TIE1: variants seen among roughly 807,000 people sequenced by gnomAD.
TIE1 encodes the protein tyrosine kinase with immunoglobulin like and EGF like domains 1.
Under a neutral mutation model 130.5 loss-of-function variants are expected in TIE1, and 89 were observed. The observed-to-expected ratio is 0.68, with a 90% CI of 0.57 to 0.81. The LOEUF (loss-of-function observed/expected upper bound fraction) is 0.81, where lower values mean the gene tolerates loss of function less well. Among genes scored for constraint, TIE1 ranks in the 40% least tolerant of loss-of-function variants. The pLI, the probability that TIE1 is intolerant of heterozygous loss-of-function variation, is 0.00. For synonymous variants in TIE1, 568 were observed against 629.4 expected (o/e 0.90, Z 1.46); for missense variants, 1,392 against 1,559.8 (o/e 0.89, Z 1.81).
At position 43,319,446 on chromosome 1, in the gene TIE1, C is replaced by T. The variant is rs1349829188; in HGVS notation, c.3037-13C>T. 6.2e-7 allele frequency: 1 copy of T among 1,614,126 alleles called. No individual in the cohort carries two copies. The highest frequency in any genetic ancestry group is 8.5e-7 in the Non-Finnish European group (1 of 1,179,982). On this transcript the variant is annotated splice_polypyrimidine_tract_variant and intron_variant, in intron 18 of 22. Coordinates refer to ENST00000372476, the MANE Select transcript of TIE1 (RefSeq NM_005424.5). This position sits in a 1 kb window ranked among gnomAD's most constrained non-coding sequence, Gnocchi z 4.7. The stretch of plus-strand genomic sequence containing the variant: ...TCCTCCACACTCAGCCCCTCAAACC[C>T]ATTCTCTCCTAGGGGCGTCTCCCTG...
intron 9 of TIE1, among the ~76,000 whole-genome samples, chr1:43,310,163 CT>C (rs1220087667): frequency 6.6e-6 from 1 of 152,128 alleles, no homozygotes; most frequent in Non-Finnish European, 1.5e-5. Context: ...TGTAAGCCCC[CT>C]CTCTCACCTT....
rs764286276 is a variant in TIE1, at chr1:43,317,547, T to C, written c.2621-17T>C. The C allele has an allele frequency of 6.2e-7, 1 of 1,611,160 alleles. No individual in the cohort carries two copies. The highest frequency in any genetic ancestry group is 8.5e-7 in the Non-Finnish European group (1 of 1,178,010). ...CAGAGTTATTTCTGGCAAAATAATA[T>C]TGGATTCTTTACACAGAGTATGCCT... is the stretch of plus-strand genomic sequence containing the variant. On this transcript the variant is annotated splice_polypyrimidine_tract_variant and intron_variant, in intron 15 of 22. Coordinates refer to ENST00000372476, the MANE Select transcript of TIE1 (RefSeq NM_005424.5). This position sits in a 1 kb window ranked among gnomAD's most constrained non-coding sequence, Gnocchi z 5.1.
In TIE1 at chr1:43,317,482, T is replaced by C; in HGVS notation, c.2620+73T>C. On this transcript the variant is annotated intron_variant, in intron 15 of 22. Transcript: ENST00000372476. This position sits in a 1 kb window ranked among gnomAD's most constrained non-coding sequence, Gnocchi z 5.1. ...CACAAATCCCAGGCCCCACCTGGCT[T>C]CCTCCAGCAATTGACCCCAGCCCTT... is the stretch of plus-strand genomic sequence containing the variant. 1 of 1,610,116 alleles carries C rather than the reference T, an allele frequency of 6.2e-7. No homozygotes were observed.
chr1:43,312,661 A>G lies in TIE1; in HGVS notation c.1927+60A>G. The G allele has an allele frequency of 6.5e-7, 1 of 1,535,030 alleles. No individual in the cohort carries two copies. The highest frequency in any genetic ancestry group is 8.8e-7 in the Non-Finnish European group (1 of 1,138,106). On this transcript the variant is annotated intron_variant, in intron 12 of 22. Coordinates refer to ENST00000372476, the MANE Select transcript of TIE1 (RefSeq NM_005424.5). This position sits in a 1 kb window ranked among gnomAD's most constrained non-coding sequence, Gnocchi z 5.6. ...GGGAGGACGTGGGACACAGGGACAC[A>G]TGAGACCTAGGAGACACGGGAGGCT...
In TIE1 at chr1:43,321,653, T is replaced by G; in HGVS notation, c.3283T>G (p.Tyr1095Asp). The G allele has an allele frequency of 6.4e-7, 1 of 1,553,576 alleles. No individual in the cohort carries two copies. Reference protein sequence around the residue: ...LMRQCWRDRPYERPPFAQIAL... With the variant: ...LMRQCWRDRPDERPPFAQIAL... Reference sequence around the variant, plus strand: ...GCGTCAGTGCTGGCGGGACCGTCCCTATGAGCGACCCCCCTTTGCCCAGAT... The same window carrying G: ...GCGTCAGTGCTGGCGGGACCGTCCCGATGAGCGACCCCCCTTTGCCCAGAT... The change falls in exon 22 of 23, where the codon TAT (tyrosine) becomes GAT (aspartate). Residue 1095 changes from tyrosine to aspartate, a missense_variant. Around this residue, in one of 6 missense-constraint regions of TIE1, gnomAD observed 104 missense variants for 129.3 expected, o/e 0.80. Transcript: ENST00000372476.
rs1646829432 is a variant in TIE1, at chr1:43,313,762, C to T, written c.2219-16C>T. ...ACCCAGGTGTCCCCACAATCTGCCC[C>T]TCTCACTGTGTCCAGGGCTGCAGGC... On this transcript the variant is annotated splice_polypyrimidine_tract_variant and intron_variant, in intron 13 of 22. Transcript: ENST00000372476. This position sits in a 1 kb window ranked among gnomAD's most constrained non-coding sequence, Gnocchi z 6.2. 1.2e-6 allele frequency: 2 copies of T among 1,603,212 alleles called. No individual in the cohort carries two copies. Among genetic ancestry groups the T allele is most frequent in the Non-Finnish European group, 8.5e-7 (1 of 1,173,720 alleles).
chr1:43,304,704 C>A, intron 1 of TIE1, 147 bp from the exon 2 acceptor site: 2 of 820,978 alleles, frequency 2.4e-6, no homozygotes, highest in East Asian at 3.3e-5. Context: ...GTCTGAAGAA[C>A]CGGGCAGGGG....
Position 43,306,820 on chromosome 1 carries a change from G to A in TIE1, c.485-20G>A. On this transcript the variant is annotated intron_variant, in intron 3 of 22. Coordinates refer to ENST00000372476, the MANE Select transcript of TIE1 (RefSeq NM_005424.5). This position sits in a 1 kb window ranked among gnomAD's most constrained non-coding sequence, Gnocchi z 4.9. ...GCCCTCATGTAGTGCTGAGGCCCCTGACACATTCATGTCCCCCAGGATCCT... is the reference window on the plus strand; with the variant it reads ...GCCCTCATGTAGTGCTGAGGCCCCTAACACATTCATGTCCCCCAGGATCCT... 1 of 1,595,024 alleles carries A rather than the reference G, an allele frequency of 6.3e-7. No individual in the cohort carries two copies. The highest frequency in any genetic ancestry group is 8.5e-7 in the Non-Finnish European group (1 of 1,170,594).
At position 43,312,637 on chromosome 1, in the gene TIE1, G is replaced by A. The variant is rs1305343512; in HGVS notation, c.1927+36G>A. On this transcript the variant is annotated intron_variant, in intron 12 of 22. Coordinates refer to ENST00000372476, the MANE Select transcript of TIE1 (RefSeq NM_005424.5). This position sits in a 1 kb window ranked among gnomAD's most constrained non-coding sequence, Gnocchi z 5.6. ...GGCGCAAGGATAGCTGGGGGTTGGGGGAGGACGTGGGACACAGGGACACAT... is the reference window on the plus strand; with the variant it reads ...GGCGCAAGGATAGCTGGGGGTTGGGAGAGGACGTGGGACACAGGGACACAT... The A allele has an allele frequency of 1.0e-5, 16 of 1,557,444 alleles. No homozygotes were observed. Among genetic ancestry groups the A allele is most frequent in the African/African-American group, 1.4e-5 (1 of 73,892 alleles).
intron 9 of TIE1, among the ~76,000 whole-genome samples, chr1:43,310,064 C>T (rs1252322809): frequency 2.0e-5 from 3 of 152,142 alleles, no homozygotes; most frequent in East Asian, 3.9e-4. Flanking sequence ...CCTCCTTCGC[C>T]TTCTCCAGCT....
At position 43,305,358 on chromosome 1, in the gene TIE1, T is replaced by C. The variant is rs753045494; in HGVS notation, c.484+15T>C. The C allele has an allele frequency of 3.9e-6, 6 of 1,534,216 alleles. No individual in the cohort carries two copies. In the African/African-American group the frequency reaches 6.8e-5, roughly 17 times the overall value. ...GAAGAGCAACGGTAAAGAGGGGCAT[T>C]TGAACTGGTGGGGAGGGTAGACCCA... is the stretch of plus-strand genomic sequence containing the variant. On this transcript the variant is annotated intron_variant, in intron 3 of 22. Transcript: ENST00000372476.
Position 43,304,928 on chromosome 1 carries a change from G to C in TIE1, c.136G>C (p.Gly46Arg). ...PQRFFLTCVS[G>R]EAGAGRGSDA... ...GCGCTTCTTCCTGACTTGCGTGTCT[G>C]GGGAGGCCGGGGCGGGGAGGGGCTC... Residue 46 changes from glycine to arginine, a missense_variant, in exon 2 of 23, where the codon GGG (glycine) becomes CGG (arginine). By Grantham distance (125) the Gly-to-Arg change is moderately radical. Around this residue, in one of 6 missense-constraint regions of TIE1, gnomAD observed 415 missense variants for 424.8 expected, o/e 0.98. Transcript: ENST00000372476. 1 of 1,444,440 alleles carries C rather than the reference G, an allele frequency of 6.9e-7. No homozygotes were observed. Among genetic ancestry groups the C allele is most frequent in the Non-Finnish European group, 9.1e-7 (1 of 1,103,344 alleles). The allele number at this position is 1,444,440 out of a possible 1,614,324, so 89.5% of individuals were successfully genotyped here.
chr1:43,304,799 G>A (rs1020021669), intron 1 of TIE1, 52 bp from the exon 2 acceptor site: 2 of 1,382,100 alleles, frequency 1.4e-6, no homozygotes, highest in African/African-American at 3.0e-5. Flanking sequence ...GGGGCTCTGG[G>A]GCACTAGGGT....
rs956412918 is a variant in TIE1 at position 43,304,910 on chromosome 1, T to C, written c.118T>C (p.Phe40Leu). ...NLRLTDPQRF[F>L]LTCVSGEAGA... The stretch of plus-strand genomic sequence containing the variant: ...GCGGCTCACGGACCCCCAGCGCTTC[T>C]TCCTGACTTGCGTGTCTGGGGAGGC... The change falls in exon 2 of 23, where the codon TTC becomes CTC. Residue 40 changes from phenylalanine (F) to leucine (L), a missense_variant. By Grantham distance (22) the Phe-to-Leu change is conservative (BLOSUM62 0). Coordinates refer to ENST00000372476, the MANE Select transcript of TIE1 (RefSeq NM_005424.5). 7.0e-7 allele frequency: 1 copy of C among 1,437,994 alleles called. No homozygotes were observed. The highest frequency in any genetic ancestry group is 9.1e-7 in the Non-Finnish European group (1 of 1,101,532). 89.1% of individuals were successfully genotyped at this position (1,437,994 alleles called of 1,614,324 possible). A position where few individuals can be genotyped will look rare whatever the true frequency, so the allele number is the denominator to read the frequency against.
Position 43,307,915 on chromosome 1 carries a change from G to A in TIE1, c.1033G>A (p.Glu345Lys). 1.9e-6 allele frequency: 3 copies of A among 1,614,172 alleles called. No individual in the cohort carries two copies. The South Asian group carries it at 3.3e-5, about 18-fold the overall frequency. Residue 345 changes from glutamate (E) to lysine (K), a missense_variant, in exon 7 of 23, where the codon GAG (glutamate) becomes AAG (lysine). Around this residue, in one of 6 missense-constraint regions of TIE1, gnomAD observed 551 missense variants for 565.5 expected, o/e 0.97. Transcript: ENST00000372476. This position sits in a 1 kb window ranked among gnomAD's most constrained non-coding sequence, Gnocchi z 5.4. ...CPSGWHGVHC[E>K]KSDRIPQILN... ...CTCTGGGTGGCATGGAGTGCACTGT[G>A]AGAAGTCAGGTATAAGCACTATGAC...
At position 43,307,829 on chromosome 1, in the gene TIE1, G is replaced by A. The variant is rs753932150; in HGVS notation, c.947G>A (p.Arg316Gln). ...CCTGGTCATTTTGGGGCTGATTGCCGACTCCAGTGCCAGTGTCAGAATGGT... is the reference window on the plus strand; with the variant it reads ...CCTGGTCATTTTGGGGCTGATTGCCAACTCCAGTGCCAGTGTCAGAATGGT... Reference protein sequence around the residue: ...CAPGHFGADCRLQCQCQNGGT... With the variant: ...CAPGHFGADCQLQCQCQNGGT... Residue 316 changes from arginine (R) to glutamine (Q), a missense_variant, in exon 7 of 23, where the codon CGA becomes CAA. Arg to Gln is a conservative substitution (Grantham distance 43). Around this residue, in one of 6 missense-constraint regions of TIE1, gnomAD observed 28 missense variants for 54.7 expected, o/e 0.51. Coordinates refer to ENST00000372476, the MANE Select transcript of TIE1 (RefSeq NM_005424.5). This position sits in a 1 kb window ranked among gnomAD's most constrained non-coding sequence, Gnocchi z 5.4. 18 of 1,613,966 alleles carry A rather than the reference G, an allele frequency of 1.1e-5. No individual in the cohort carries two copies. The highest frequency in any genetic ancestry group is 3.3e-5 in the South Asian group (3 of 91,062).
At chr1:43,308,835 G>A (rs1219750412) in intron 7 of TIE1, 151 bp from the exon 8 acceptor site, 3 of 981,792 alleles carry the variant, frequency 3.1e-6, no homozygotes, top group African/African-American at 3.2e-5. Flanking sequence ...GGGCTGGGAC[G>A]CTGGAGGAGT....
rs1156419553 is a variant in TIE1, at chr1:43,312,913, G to A, written c.1928-222G>A. Among the ~76,000 whole-genome samples the A allele has an allele frequency of 1.3e-5, 2 of 152,034 alleles. No individual in the cohort carries two copies. The highest frequency in any genetic ancestry group is 4.8e-5 in the African/African-American group (2 of 41,376). ...ACAGGGCATGGGCGGATGTGGAGAG[G>A]ACTTGGGATACAAGAAGTACAAGGA... On this transcript the variant is annotated intron_variant, in intron 12 of 22. Coordinates refer to ENST00000372476, the MANE Select transcript of TIE1 (RefSeq NM_005424.5). This position sits in a 1 kb window ranked among gnomAD's most constrained non-coding sequence, Gnocchi z 5.6.
rs765127140 is a variant in TIE1, at chr1:43,307,258, A to G, written c.757A>G (p.Thr253Ala). The G allele has an allele frequency of 1.4e-5, 22 of 1,614,092 alleles. No homozygotes were observed. The South Asian group carries it at 2.4e-4, about 18-fold the overall frequency. ...ECVCPPGFTG[T>A]RCEQACREGR... ...TGTATGCCCCCCTGGCTTCACTGGC[A>G]CCCGCTGTGAACAGGGTAAGGAGGA... Residue 253 changes from threonine to alanine, a missense_variant, in exon 5 of 23, where the codon ACC becomes GCC. By Grantham distance (58) the Thr-to-Ala change is moderately conservative. Transcript: ENST00000372476. This position sits in a 1 kb window ranked among gnomAD's most constrained non-coding sequence, Gnocchi z 5.4.
Sources: allele counts gnomAD v4.1 joint callset (sites outside exome capture counted in the v4.1 genomes callset), GRCh38; gene constraint gnomAD v4.1.1; regional missense constraint gnomAD v4.1.1; non-coding constraint Gnocchi (gnomAD v3.1); transcripts MANE v1.5; gene names NCBI Gene and HGNC (gene_info 2026-07-23, HGNC 2026-07-21).